MTUS2: variants seen among roughly 807,000 people sequenced by gnomAD.
MTUS2 encodes the protein microtubule associated scaffold protein 2, also known as microtubule-associated tumor suppressor candidate 2.
A neutral mutation model predicts 114.1 loss-of-function variants in MTUS2; 40 were observed. That is an observed-to-expected ratio of 0.35 (90% CI 0.27 to 0.46). The LOEUF (loss-of-function observed/expected upper bound fraction) is 0.46. Among genes scored for constraint, MTUS2 ranks in the 20% least tolerant of loss-of-function variants. The pLI is 1.00. For missense variants in MTUS2, 1,679 were observed against 1,705.4 expected, an observed-to-expected ratio of 0.98 and a Z score of 0.27; for synonymous variants, 688 against 672.0, an observed-to-expected ratio of 1.02 and a Z score of -0.37.
intron 2 of MTUS2, among the ~76,000 whole-genome samples, chr13:28,887,751 A>G (rs1049672179): frequency 5.3e-5 from 8 of 152,124 alleles, no homozygotes; most frequent in African/African-American, 1.9e-4. Context: ...GGTCTGCTTT[A>G]GGACCTTTTT....
At chr13:29,458,480 CAA>C (rs1383980838) in intron 9 of MTUS2, among the ~76,000 whole-genome samples, 1 of 152,096 alleles carries the variant, frequency 6.6e-6, no homozygotes, top group African/African-American at 2.4e-5. Flanking sequence ...TGCATGCCAG[CAA>C]AAGATTGTAA....
intron 1 of MTUS2, among the ~76,000 whole-genome samples, chr13:28,827,760 A>G (rs1222901532): frequency 6.6e-6 from 1 of 152,210 alleles, no homozygotes; most frequent in Non-Finnish European, 1.5e-5. Context: ...TCAAGCCGCA[A>G]AACCAGCAAG....
intron 2 of MTUS2, among the ~76,000 whole-genome samples, chr13:28,909,991 A>G (rs192985526): frequency 1.3e-5 from 2 of 152,348 alleles, no homozygotes; most frequent in Admixed American, 6.5e-5. Context: ...ACATAACAGA[A>G]AATGGGGTAT....
intron 5 of MTUS2, among the ~76,000 whole-genome samples, chr13:29,176,918 C>T (rs1406565414): frequency 6.6e-6 from 1 of 151,078 alleles, no homozygotes; most frequent in East Asian, 1.9e-4. Context: ...TATGGAGTCC[C>T]CGGCAGGCAT....
At chr13:29,035,009 G>A (rs1886999825) in intron 4 of MTUS2, among the ~76,000 whole-genome samples, 1 of 152,116 alleles carries the variant, frequency 6.6e-6, no homozygotes. Flanking sequence ...CAACAGTCAA[G>A]GTTTTAAGAC....
chr13:29,304,564 G>A (rs1237219267), intron 6 of MTUS2, among the ~76,000 whole-genome samples: 4 of 152,150 alleles, frequency 2.6e-5, no homozygotes. Flanking sequence ...ATGGTAAAGG[G>A]TTTAATTCAA....
chr13:29,469,840 T>G (rs548216495), intron 9 of MTUS2, among the ~76,000 whole-genome samples: 1 of 151,376 alleles, frequency 6.6e-6, no homozygotes, highest in East Asian at 1.9e-4. Context: ...TAAAATTTAG[T>G]TTTTTTAAAA....
At chr13:29,436,960 TCATCAGCA>T (rs1877455531) in intron 8 of MTUS2, among the ~76,000 whole-genome samples, 1 of 152,162 alleles carries the variant, frequency 6.6e-6, no homozygotes, top group Admixed American at 6.5e-5. Context: ...CTGAAGGTCT[TCATCAGCA>T]GTCTCCCTCA....
chr13:29,407,540 C>T (rs1251369494), intron 8 of MTUS2, among the ~76,000 whole-genome samples: 1 of 151,522 alleles, frequency 6.6e-6, no homozygotes, highest in Non-Finnish European at 1.5e-5. Context: ...TGCAATGGCG[C>T]GATCTTGGCT....
chr13:29,201,553 A>T (rs958624961), intron 5 of MTUS2, among the ~76,000 whole-genome samples: 1 of 152,164 alleles, frequency 6.6e-6, no homozygotes, highest in Non-Finnish European at 1.5e-5. Context: ...TGTCATTATG[A>T]TGCTAGCTGG....
intron 3 of MTUS2, among the ~76,000 whole-genome samples, chr13:29,030,051 G>A (rs1390662144): frequency 6.6e-6 from 1 of 152,136 alleles, no homozygotes; most frequent in African/African-American, 2.4e-5. Context: ...GGATATGTAG[G>A]CCCAAACCCC....
intron 5 of MTUS2, among the ~76,000 whole-genome samples, chr13:29,278,856 T>G (rs1898163437): frequency 6.6e-6 from 1 of 152,206 alleles, no homozygotes; most frequent in South Asian, 2.1e-4. Flanking sequence ...CTCTTTAGTC[T>G]TTCATCCTAC....
chr13:29,285,489 A>T (rs1253783726), intron 6 of MTUS2, among the ~76,000 whole-genome samples: 1 of 152,234 alleles, frequency 6.6e-6, no homozygotes, highest in Non-Finnish European at 1.5e-5. Context: ...AACTGTCCAG[A>T]TGGAAATATA....
At chr13:29,403,888 C>T (rs1874546875) in intron 8 of MTUS2, among the ~76,000 whole-genome samples, 1 of 152,004 alleles carries the variant, frequency 6.6e-6, no homozygotes, top group African/African-American at 2.4e-5. Context: ...CCTTACTCTT[C>T]CTCATATTTT....
intron 2 of MTUS2, among the ~76,000 whole-genome samples, chr13:28,873,575 T>C (rs1877752057): frequency 6.6e-6 from 1 of 152,254 alleles, no homozygotes; most frequent in South Asian, 2.1e-4. Context: ...ATCCTGTCAG[T>C]GTCTTGTATC....
At position 28,945,179 on chromosome 13, in the gene MTUS2, T is replaced by TTATATA. The variant is rs33929048; in HGVS notation, c.-242-79267_-242-79262dup. Among the ~76,000 whole-genome samples, 401 of 147,242 alleles carry TTATATA rather than the reference T, an allele frequency of 2.7e-3. 4 individuals are homozygous for TTATATA. Among genetic ancestry groups the TTATATA allele is most frequent in the East Asian group, 0.021 (109 of 5,072 alleles). On this transcript the variant is annotated intron_variant, in intron 2 of 15. Transcript: ENST00000612955. ...TTTTTTATGGATGAGTAGTATTCCA[T>TTATATA]TATATATATATATATACACCACATT... is the stretch of plus-strand genomic sequence containing the variant.
intron 5 of MTUS2, among the ~76,000 whole-genome samples, chr13:29,266,138 T>C (rs1318730865): frequency 6.6e-6 from 1 of 152,178 alleles, no homozygotes; most frequent in Non-Finnish European, 1.5e-5. Context: ...GTTGTGTTAA[T>C]GGGGGTGATA....
At chr13:28,881,223 G>C (rs1235606932) in intron 2 of MTUS2, among the ~76,000 whole-genome samples, 2 of 152,112 alleles carry the variant, frequency 1.3e-5, no homozygotes, top group African/African-American at 4.8e-5. Flanking sequence ...GAGAACATGC[G>C]GTATTTGATT....
At chr13:29,416,352 G>A (rs964624757) in intron 8 of MTUS2, among the ~76,000 whole-genome samples, 1 of 151,360 alleles carries the variant, frequency 6.6e-6, no homozygotes, top group East Asian at 1.9e-4. Flanking sequence ...ATTTCTATTT[G>A]TCAAGACATA....
Sources: allele counts gnomAD v4.1 joint callset (sites outside exome capture counted in the v4.1 genomes callset), GRCh38; gene constraint gnomAD v4.1.1; transcripts MANE v1.5; gene names NCBI Gene and HGNC (gene_info 2026-07-23, HGNC 2026-07-21).